The following ZNF592 variants were observed in gnomAD, a reference collection of about 807,000 sequenced individuals.
The protein encoded by ZNF592 is zinc finger protein 592, also known as spinocerebellar ataxia, autosomal recessive 5.
A neutral mutation model predicts 80.3 loss-of-function variants in ZNF592; 11 were observed. The observed-to-expected ratio is 0.14, with a 90% CI of 0.09 to 0.23. The LOEUF (loss-of-function observed/expected upper bound fraction) is 0.23. Among genes scored for constraint, ZNF592 ranks in the 10% least tolerant of loss-of-function variants. The pLI is 1.00. For synonymous variants in ZNF592, 646 were observed against 640.3 expected (o/e 1.01, Z -0.13); for missense variants, 1,420 against 1,633.9 (o/e 0.87, Z 2.26).
chr15:84,754,643 A>G (rs1009902851), intron 1 of ZNF592: 1 of 149,772 alleles, frequency 6.7e-6, no homozygotes, highest in African/African-American at 2.5e-5. Context: ...CTGAGGTGGG[A>G]GAATTGCTTG....
At chr15:84,787,784 T>A (rs1242068269) in intron 4 of ZNF592, among the ~76,000 whole-genome samples, 1 of 152,182 alleles carries the variant, frequency 6.6e-6, no homozygotes, top group African/African-American at 2.4e-5. Context: ...AAAAATGTCT[T>A]TTTACAGTTG....
At position 84,783,984 on chromosome 15, in the gene ZNF592, A is replaced by G; in HGVS notation, c.1309A>G (p.Thr437Ala). ...GGAAGAGCACTTTCCTGAGGCAGGCACAAATTCAGGGAGCCCCCAGGGGGC... is the reference window on the plus strand; with the variant it reads ...GGAAGAGCACTTTCCTGAGGCAGGCGCAAATTCAGGGAGCCCCCAGGGGGC... ...PVEEHFPEAG[T>A]NSGSPQGARK... The change falls in exon 4 of 11, where the codon ACA becomes GCA. Residue 437 changes from threonine (T) to alanine (A), a missense_variant. Transcript: ENST00000560079. The surrounding 1 kb of genome is among the most constrained non-coding windows in gnomAD (Gnocchi z 5.0). 3 of 1,612,270 alleles carry G rather than the reference A, an allele frequency of 1.9e-6. No homozygotes were observed. Among genetic ancestry groups the G allele is most frequent in the South Asian group, 1.1e-5 (1 of 91,066 alleles).
At chr15:84,769,490 A>G (rs958230095) in intron 2 of ZNF592, among the ~76,000 whole-genome samples, 2 of 151,468 alleles carry the variant, frequency 1.3e-5, no homozygotes, top group Non-Finnish European at 2.9e-5. Context: ...AAGTGAGCCC[A>G]CCGAGATCTG....
At chr15:84,786,661 G>T (rs549881135) in intron 4 of ZNF592, among the ~76,000 whole-genome samples, 1 of 151,912 alleles carries the variant, frequency 6.6e-6, no homozygotes, top group Non-Finnish European at 1.5e-5. Context: ...CTTCTGATGC[G>T]TCAGATGGGG....
Position 84,801,713 on chromosome 15 carries a change from T to C in ZNF592, c.3274-150T>C, listed in dbSNP as rs1596137370. On this transcript the variant is annotated intron_variant, in intron 10 of 10. Coordinates refer to ENST00000560079, the MANE Select transcript of ZNF592 (RefSeq NM_014630.3). ...ATATGTTACATTACAAAACAAAGAATTGAAACAAACCAAACGTAAACCAGC... is the reference window on the plus strand; with the variant it reads ...ATATGTTACATTACAAAACAAAGAACTGAAACAAACCAAACGTAAACCAGC... 8 of 1,135,312 alleles carry C rather than the reference T, an allele frequency of 7.0e-6. No individual in the cohort carries two copies. In the East Asian group the frequency reaches 1.9e-4, roughly 27 times the overall value. 70.3% of individuals were successfully genotyped at this position (1,135,312 alleles called of 1,614,324 possible).
rs140906278 is a variant in ZNF592, at chr15:84,788,951, C to T, written c.2221-1754C>T. On this transcript the variant is annotated intron_variant, in intron 4 of 10. Coordinates refer to ENST00000560079, the MANE Select transcript of ZNF592 (RefSeq NM_014630.3). Reference sequence around the variant, plus strand: ...TTTGGCCGGGCATGGTGGCTCACACCTGTAAGCCCAGCACTTTGGGTGGCT... The same window carrying T: ...TTTGGCCGGGCATGGTGGCTCACACTTGTAAGCCCAGCACTTTGGGTGGCT... Among the ~76,000 whole-genome samples, 889 of 151,962 alleles carry T rather than the reference C, an allele frequency of 5.9e-3. 9 individuals are homozygous for T. The highest frequency in any genetic ancestry group is 9.9e-3 in the Non-Finnish European group (673 of 67,974).
intron 3 of ZNF592, among the ~76,000 whole-genome samples, chr15:84,782,089 A>C (rs1962436590): frequency 6.6e-6 from 1 of 152,238 alleles, no homozygotes; most frequent in Non-Finnish European, 1.5e-5. Context: ...AACAGAGAAA[A>C]AATACCTAGG....
At chr15:84,748,831 A>AC in intron 1 of ZNF592, among the ~76,000 whole-genome samples, 167 bp downstream of exon 1, 1 of 144,658 alleles carries the variant, frequency 6.9e-6, no homozygotes, top group East Asian at 2.1e-4. Context: ...ACTTCCCCCG[A>AC]CCGCCGCCTG....
intron 5 of ZNF592, among the ~76,000 whole-genome samples, chr15:84,795,104 G>T (rs915037495): frequency 1.3e-5 from 2 of 150,322 alleles, no homozygotes; most frequent in African/African-American, 4.9e-5. Context: ...AAATTTATAT[G>T]TATTTTATGT....
Position 84,784,943 on chromosome 15 carries a change from G to T in ZNF592, c.2220+48G>T. ...GGGTATCGGGCCCCTGGCTCACACA[G>T]GTTCCATGACTGGGCATGGAGAGGA... On this transcript the variant is annotated intron_variant, in intron 4 of 10. Transcript: ENST00000560079. This position sits in a 1 kb window ranked among gnomAD's most constrained non-coding sequence, Gnocchi z 5.8. The T allele has an allele frequency of 6.2e-7, 1 of 1,608,278 alleles. No individual in the cohort carries two copies. The highest frequency in any genetic ancestry group is 8.5e-7 in the Non-Finnish European group (1 of 1,175,296).
At chr15:84,776,790 G>A (rs1027721505) in intron 2 of ZNF592, among the ~76,000 whole-genome samples, 7 of 151,722 alleles carry the variant, frequency 4.6e-5, no homozygotes, top group African/African-American at 7.3e-5. Flanking sequence ...GGTAGCTCAC[G>A]CCTGTAATCT....
chr15:84,785,164 G>A (rs1008044602), intron 4 of ZNF592, among the ~76,000 whole-genome samples: 5 of 152,226 alleles, frequency 3.3e-5, no homozygotes, highest in Non-Finnish European at 7.3e-5. Flanking sequence ...TCAAGGCCCA[G>A]TGTCAGGCCC....
Position 84,784,918 on chromosome 15 carries a change from G to A in ZNF592, c.2220+23G>A, listed in dbSNP as rs764091971. ...CTGGTAAGCAGACCCTCACTGTTACGGGTATCGGGCCCCTGGCTCACACAG... is the reference window on the plus strand; with the variant it reads ...CTGGTAAGCAGACCCTCACTGTTACAGGTATCGGGCCCCTGGCTCACACAG... On this transcript the variant is annotated intron_variant, in intron 4 of 10. Coordinates refer to ENST00000560079, the MANE Select transcript of ZNF592 (RefSeq NM_014630.3). The surrounding 1 kb of genome is among the most constrained non-coding windows in gnomAD (Gnocchi z 5.8). 10 of 1,613,718 alleles carry A rather than the reference G, an allele frequency of 6.2e-6. No individual in the cohort carries two copies. Among genetic ancestry groups the A allele is most frequent in the African/African-American group, 4.0e-5 (3 of 74,896 alleles).
chr15:84,787,694 C>T (rs1037580786), intron 4 of ZNF592, among the ~76,000 whole-genome samples: 7 of 152,226 alleles, frequency 4.6e-5, no homozygotes, highest in Non-Finnish European at 1.0e-4. Flanking sequence ...TGGATATTGT[C>T]ATTCCACCCA....
intron 1 of ZNF592, among the ~76,000 whole-genome samples, chr15:84,759,340 A>G (rs75740860): frequency 0.061 from 9,274 of 152,226 alleles, 338 homozygotes; most frequent in East Asian, 0.13. Flanking sequence ...GATTACCTCT[A>G]GGGAACATTC....
Position 84,778,255 on chromosome 15 carries a change from G to T in ZNF592, c.-77G>T, listed in dbSNP as rs1057478009. 6.0e-5 allele frequency: 17 copies of T among 281,988 alleles called. No homozygotes were observed. Among genetic ancestry groups the T allele is most frequent in the Admixed American group, 2.6e-4 (6 of 23,118 alleles). 17.5% of individuals were successfully genotyped at this position (281,988 alleles called of 1,614,324 possible). On this transcript the variant is annotated 5_prime_UTR_variant, in exon 3 of 11. Coordinates refer to ENST00000560079, the MANE Select transcript of ZNF592 (RefSeq NM_014630.3). Reference sequence around the variant, plus strand: ...GACGCTCCCCCGTACGGAGACAGAGGGAGGGGGGGCTCCAAAGCCGAAAGA... The same window carrying T: ...GACGCTCCCCCGTACGGAGACAGAGTGAGGGGGGGCTCCAAAGCCGAAAGA...
intron 3 of ZNF592, among the ~76,000 whole-genome samples, chr15:84,781,743 G>A (rs1962426889): frequency 6.6e-6 from 1 of 152,176 alleles, no homozygotes; most frequent in Admixed American, 6.5e-5. Flanking sequence ...CAGCAGGTTT[G>A]AGCCAGCCAG....
chr15:84,751,303 G>A (rs1255323019), intron 1 of ZNF592, among the ~76,000 whole-genome samples: 1 of 152,236 alleles, frequency 6.6e-6, no homozygotes, highest in Non-Finnish European at 1.5e-5. Context: ...ATGCAGAGGG[G>A]ATAGATGACT....
chr15:84,788,167 A>G (rs1397887296), intron 4 of ZNF592, among the ~76,000 whole-genome samples: 2 of 152,192 alleles, frequency 1.3e-5, no homozygotes, highest in Non-Finnish European at 2.9e-5. Flanking sequence ...TTCCTGTTTC[A>G]TAACTTAAGG....
Sources: gnomAD v4.1 joint callset for allele counts (sites outside exome capture counted in the v4.1 genomes callset) on GRCh38, gnomAD v4.1.1 for gene constraint, Gnocchi (gnomAD v3.1) non-coding constraint, MANE v1.5 for transcripts, NCBI Gene and HGNC (gene_info 2026-07-23, HGNC 2026-07-21) for gene names.